The following NAA50 variants were observed in gnomAD, a reference collection of about 807,000 sequenced individuals.
NAA50 encodes the protein N-alpha-acetyltransferase 50.
NAA50 carries 7 observed loss-of-function variants against 20.7 expected under a neutral mutation model. That is an observed-to-expected ratio of 0.34 (90% confidence interval 0.19 to 0.63). NAA50 has a LOEUF of 0.63. NAA50 is among the 30% of genes least tolerant of loss of function. The probability of loss-of-function intolerance (pLI) is 0.75; values close to 1 mark genes in which losing one functional copy is unlikely to be tolerated. For synonymous variants in NAA50, 54 were observed against 70.6 expected, an observed-to-expected ratio of 0.77 and a Z score of 1.18; for missense variants, 111 against 199.1, an observed-to-expected ratio of 0.56 and a Z score of 2.66.
chr3:113,732,562 C>T (rs1708284472), intron 1 of NAA50, among the ~76,000 whole-genome samples: 1 of 152,180 alleles, frequency 6.6e-6, no homozygotes, highest in African/African-American at 2.4e-5. Flanking sequence ...CTTCCAGCTT[C>T]GGTGGCCCCA....
intron 1 of NAA50, among the ~76,000 whole-genome samples, chr3:113,730,392 T>C (rs1708257125): frequency 6.6e-6 from 1 of 152,112 alleles, no homozygotes; most frequent in Non-Finnish European, 1.5e-5. Flanking sequence ...TTAACTGTTC[T>C]TCATTTTCCT....
intron 1 of NAA50, among the ~76,000 whole-genome samples, chr3:113,728,694 CTCAT>C (rs1162194331): frequency 6.6e-6 from 1 of 152,158 alleles, no homozygotes; most frequent in African/African-American, 2.4e-5. Flanking sequence ...TCTTGGTGAT[CTCAT>C]TCAATCTTGT....
At position 113,745,808 on chromosome 3, in the gene NAA50, AC is replaced by A. The variant is rs1376066585; in HGVS notation, c.8+133del. 2.8e-5 allele frequency: 29 copies of A among 1,029,182 alleles called. No homozygotes were observed. The Admixed American group carries it at 4.5e-4, about 16-fold the overall frequency. The allele number at this position is 1,029,182 out of a possible 1,614,324, so 63.8% of individuals were successfully genotyped here. A position where few individuals can be genotyped will look rare whatever the true frequency, so the allele number is the denominator to read the frequency against. Reference sequence around the variant, plus strand: ...TCCGCCCCCTCCGGGAGCCGAGGGAACTGAGAAGCAGAGAAATCTCCCTCCG... The same window carrying A: ...TCCGCCCCCTCCGGGAGCCGAGGGAATGAGAAGCAGAGAAATCTCCCTCCG... On this transcript the variant is annotated intron_variant, in intron 1 of 4. Coordinates refer to ENST00000240922, the MANE Select transcript of NAA50 (RefSeq NM_025146.4).
chr3:113,739,032 T>A (rs1410774400), intron 1 of NAA50, among the ~76,000 whole-genome samples: 1 of 152,110 alleles, frequency 6.6e-6, no homozygotes, highest in Admixed American at 6.6e-5. Context: ...CGTCACAAAA[T>A]GACCAGTAAA....
chr3:113,729,646 G>T (rs550849924), intron 1 of NAA50, among the ~76,000 whole-genome samples: 1 of 151,476 alleles, frequency 6.6e-6, no homozygotes, highest in East Asian at 2.0e-4. Flanking sequence ...GGGCTCAGGG[G>T]ATCCTCCTGC....
chr3:113,734,131 A>G (rs1418200178), intron 1 of NAA50, among the ~76,000 whole-genome samples: 1 of 152,190 alleles, frequency 6.6e-6, no homozygotes. Flanking sequence ...CATAAAAAAG[A>G]ACAAAATCAC....
At chr3:113,735,504 T>C (rs1358555277) in intron 1 of NAA50, among the ~76,000 whole-genome samples, 1 of 152,242 alleles carries the variant, frequency 6.6e-6, no homozygotes, top group East Asian at 1.9e-4. Context: ...AAAACTATCC[T>C]ATATGATCAC....
Position 113,723,683 on chromosome 3 carries a change from T to C in NAA50, c.146-142A>G, listed in dbSNP as rs530037779. Reference sequence around the variant, plus strand: ...TGAATATCAATGATCTCAAAGCTCTTATGCCATCTTAGGAAGTTTAAGCCT... The same window carrying C: ...TGAATATCAATGATCTCAAAGCTCTCATGCCATCTTAGGAAGTTTAAGCCT... On this transcript the variant is annotated intron_variant, in intron 2 of 4. Coordinates refer to ENST00000240922, the MANE Select transcript of NAA50 (RefSeq NM_025146.4). 5.9e-5 allele frequency: 63 copies of C among 1,070,334 alleles called. No individual in the cohort carries two copies. In the East Asian group the frequency reaches 1.6e-3, roughly 26 times the overall value. The allele number at this position is 1,070,334 out of a possible 1,614,324, so 66.3% of individuals were successfully genotyped here. A position where few individuals can be genotyped will look rare whatever the true frequency, so the allele number is the denominator to read the frequency against.
intron 1 of NAA50, among the ~76,000 whole-genome samples, chr3:113,733,553 A>G (rs1033806425): frequency 6.6e-6 from 1 of 152,120 alleles, no homozygotes; most frequent in Non-Finnish European, 1.5e-5. Flanking sequence ...TTAAAGATTC[A>G]TATTAAAGAT....
In NAA50 at chr3:113,721,568, A is replaced by T; in HGVS notation, c.*192T>A. ...CACCTCACAAAAATAAGAGAAAACA[A>T]TTCAAACATGATTATTTTTTTAAAG... On this transcript the variant is annotated 3_prime_UTR_variant, in exon 5 of 5. Transcript: ENST00000240922. 1 of 642,042 alleles carries T rather than the reference A, an allele frequency of 1.6e-6. No homozygotes were observed. Among genetic ancestry groups the T allele is most frequent in the Non-Finnish European group, 2.6e-6 (1 of 378,948 alleles). 39.8% of individuals were successfully genotyped at this position (642,042 alleles called of 1,614,324 possible). A position where few individuals can be genotyped will look rare whatever the true frequency, so the allele number is the denominator to read the frequency against.
intron 1 of NAA50, among the ~76,000 whole-genome samples, chr3:113,725,109 G>A (rs1423708323): frequency 1.3e-5 from 2 of 152,142 alleles, no homozygotes; most frequent in South Asian, 2.1e-4. Flanking sequence ...AGATTAAAGC[G>A]AAAAATTTTC....
rs1421289744 is a variant in NAA50 at position 113,720,408 on chromosome 3, A to G, written c.*1352T>C. On this transcript the variant is annotated 3_prime_UTR_variant, in exon 5 of 5. Coordinates refer to ENST00000240922, the MANE Select transcript of NAA50 (RefSeq NM_025146.4). ...AGTGGAGATGGGACTACAAAAGGAAAACATGAATATTTCAGATGTCTCCCA... is the reference window on the plus strand; with the variant it reads ...AGTGGAGATGGGACTACAAAAGGAAGACATGAATATTTCAGATGTCTCCCA... The G allele has an allele frequency of 6.6e-6, 1 of 152,630 alleles. No homozygotes were observed. The highest frequency in any genetic ancestry group is 2.4e-5 in the African/African-American group (1 of 41,464). 9.5% of individuals were successfully genotyped at this position (152,630 alleles called of 1,614,324 possible). A position where few individuals can be genotyped will look rare whatever the true frequency, so the allele number is the denominator to read the frequency against.
At chr3:113,723,031 T>A (rs934156129) in intron 3 of NAA50, 59 bp from the exon 4 acceptor site, 2 of 1,460,478 alleles carry the variant, frequency 1.4e-6, no homozygotes, top group African/African-American at 2.9e-5. Flanking sequence ...AAATTATGTA[T>A]CTATCCACTT....
rs1428211666 is a variant in NAA50, at chr3:113,723,412, A to C, written c.265+10T>G. ...TTCTCTGAAGAAGTAAAAAAACCAC[A>C]ATTTTTTACCTATTCCTAGCCTTCG... On this transcript the variant is annotated intron_variant, in intron 3 of 4. Coordinates refer to ENST00000240922, the MANE Select transcript of NAA50 (RefSeq NM_025146.4). The C allele has an allele frequency of 4.4e-6, 7 of 1,595,630 alleles. 1 individual carries two copies. In the Admixed American group the frequency reaches 1.3e-4, roughly 29 times the overall value.
In NAA50 at chr3:113,717,098, G is replaced by T. The variant is rs1457393320; in HGVS notation, c.*4662C>A. ...GCCTGTAATCCTAGCACTTTGGGAG[G>T]CTGCCCCAGGAGGATTGCCTAAGCT... On this transcript the variant is annotated 3_prime_UTR_variant, in exon 5 of 5. Coordinates refer to ENST00000240922, the MANE Select transcript of NAA50 (RefSeq NM_025146.4). The T allele has an allele frequency of 6.6e-6, 1 of 152,226 alleles. No homozygotes were observed. Among genetic ancestry groups the T allele is most frequent in the Non-Finnish European group, 1.5e-5 (1 of 68,094 alleles). The allele number at this position is 152,226 out of a possible 1,614,324, so 9.4% of individuals were successfully genotyped here.
chr3:113,725,678 A>G (rs1559737992), intron 1 of NAA50, among the ~76,000 whole-genome samples: 2 of 152,096 alleles, frequency 1.3e-5, no homozygotes, highest in Non-Finnish European at 2.9e-5. Flanking sequence ...AAGTGAGAGG[A>G]CTGCTTGAGC....
intron 1 of NAA50, among the ~76,000 whole-genome samples, chr3:113,738,834 C>T (rs1347071091): frequency 1.3e-5 from 2 of 152,118 alleles, no homozygotes; most frequent in East Asian, 1.9e-4. Flanking sequence ...TTGAAGTGCT[C>T]CTAAGTACAA....
intron 1 of NAA50, among the ~76,000 whole-genome samples, chr3:113,729,017 CCT>C (rs975237847): frequency 4.6e-5 from 7 of 150,646 alleles, no homozygotes; most frequent in Admixed American, 4.6e-4. Context: ...ACGGAGTCTC[CCT>C]CTGTTGCTCA....
At chr3:113,722,357 G>A (rs1180755150) in intron 4 of NAA50, among the ~76,000 whole-genome samples, 2 of 152,004 alleles carry the variant, frequency 1.3e-5, no homozygotes, top group African/African-American at 2.4e-5. Flanking sequence ...AATTAAAAAC[G>A]CAAGCTTTCT....
Sources: allele counts gnomAD v4.1 joint callset (sites outside exome capture counted in the v4.1 genomes callset), GRCh38; gene constraint gnomAD v4.1.1; transcripts MANE v1.5; gene names NCBI Gene and HGNC (gene_info 2026-07-23, HGNC 2026-07-21).